B4GALT5: variants seen among roughly 807,000 people sequenced by gnomAD.
The protein encoded by B4GALT5 is UDP-Gal:beta-GlcNAc beta-1,4-galactosyltransferase 5.
B4GALT5 carries 11 observed loss-of-function variants against 45.0 expected under a neutral mutation model. The observed-to-expected ratio is 0.24, with a 90% confidence interval of 0.15 to 0.40. B4GALT5 has a LOEUF of 0.40. Ranked by LOEUF, B4GALT5 falls within the 10% of genes least tolerant of loss-of-function variation. B4GALT5 has a pLI of 1.00. For missense variants in B4GALT5, 337 were observed against 500.2 expected, an observed-to-expected ratio of 0.67 and a Z score of 3.11; for synonymous variants, 185 against 182.9, an observed-to-expected ratio of 1.01 and a Z score of -0.09.
chr20:49,679,387 C>T (rs987956334), intron 1 of B4GALT5, among the ~76,000 whole-genome samples: 61 of 151,878 alleles, frequency 4.0e-4, no homozygotes, highest in Non-Finnish European at 4.4e-5. Context: ...CCTACAATAC[C>T]GAAAGTTAGT....
chr20:49,676,438 T>G (rs1435836936), intron 1 of B4GALT5, among the ~76,000 whole-genome samples: 1 of 152,226 alleles, frequency 6.6e-6, no homozygotes, highest in African/African-American at 2.4e-5. Context: ...AGATTATGTC[T>G]GCATTTGTGC....
At chr20:49,641,703 A>G (rs757297995) in intron 5 of B4GALT5, among the ~76,000 whole-genome samples, 1 of 152,196 alleles carries the variant, frequency 6.6e-6, no homozygotes, top group Non-Finnish European at 1.5e-5. Context: ...GTGTGCCCAT[A>G]GAGAGAGGTG....
chr20:49,634,075 T>C lies in B4GALT5; in HGVS notation c.*2237A>G, dbSNP rs1984444923. On this transcript the variant is annotated 3_prime_UTR_variant, in exon 9 of 9. Transcript: ENST00000371711. ...AAATGCTTAAGTCTTAAAAAACATA[T>C]GCTATAGCTTACCGGCATTTTCAAG... 1 of 152,648 alleles carries C rather than the reference T, an allele frequency of 6.6e-6. No homozygotes were observed. The highest frequency in any genetic ancestry group is 1.5e-5 in the Non-Finnish European group (1 of 68,048). The allele number at this position is 152,648 out of a possible 1,614,324, so 9.5% of individuals were successfully genotyped here. A position where few individuals can be genotyped will look rare whatever the true frequency, so the allele number is the denominator to read the frequency against.
chr20:49,646,394 A>G (rs6095598), intron 3 of B4GALT5, among the ~76,000 whole-genome samples: 75,284 of 151,584 alleles, frequency 0.5, 19,422 homozygotes, highest in South Asian at 0.68. Flanking sequence ...CATGGTAAGT[A>G]CCCTACACAG....
intron 1 of B4GALT5, among the ~76,000 whole-genome samples, chr20:49,709,230 T>C (rs1318339474): frequency 6.6e-6 from 1 of 152,174 alleles, no homozygotes; most frequent in Admixed American, 6.5e-5. Context: ...TCAAAAGTTT[T>C]CTGCAGAACC....
intron 1 of B4GALT5, among the ~76,000 whole-genome samples, chr20:49,685,980 G>A (rs2085783672): frequency 6.6e-6 from 1 of 151,588 alleles, no homozygotes; most frequent in Admixed American, 6.6e-5. Flanking sequence ...CCTTTCTCCT[G>A]AGCTGCTGCT....
At chr20:49,645,466 A>C (rs1203137377) in intron 3 of B4GALT5, among the ~76,000 whole-genome samples, 1 of 152,202 alleles carries the variant, frequency 6.6e-6, no homozygotes. Flanking sequence ...GTGTATCACA[A>C]GGCTGGGAGC....
rs2085820559 is a variant in B4GALT5, at chr20:49,692,799, T to C, written c.115+20777A>G. On this transcript the variant is annotated intron_variant, in intron 1 of 8. Transcript: ENST00000371711. ...TGTACATATAATGTAAGTTCAATTA[T>C]GTTTTTGAAAAATTACACACACCAA... is the stretch of plus-strand genomic sequence containing the variant. Among the ~76,000 whole-genome samples the C allele has an allele frequency of 3.3e-5, 5 of 152,246 alleles. No individual in the cohort carries two copies. In the South Asian group the frequency reaches 1.0e-3, roughly 32 times the overall value.
intron 2 of B4GALT5, among the ~76,000 whole-genome samples, chr20:49,649,837 T>C (rs2085613883): frequency 6.6e-6 from 1 of 152,222 alleles, no homozygotes; most frequent in African/African-American, 2.4e-5. Context: ...TGCCTGTGTT[T>C]GTGATACGCC....
chr20:49,667,353 G>A (rs1201329476), intron 1 of B4GALT5, among the ~76,000 whole-genome samples: 2 of 150,054 alleles, frequency 1.3e-5, no homozygotes, highest in Non-Finnish European at 3.0e-5. Flanking sequence ...AGGGGTTCAC[G>A]CCATTCTCCT....
At chr20:49,674,229 C>CAAA (rs1377796417) in intron 1 of B4GALT5, among the ~76,000 whole-genome samples, 6 of 64,182 alleles carry the variant, frequency 9.3e-5, no homozygotes, top group African/African-American at 3.5e-4. Flanking sequence ...GACTCCATCT[C>CAAA]AAAAAAAAAA....
chr20:49,656,829 C>T, intron 1 of B4GALT5, 127 bp from the exon 2 acceptor site: 1 of 1,202,580 alleles, frequency 8.3e-7, no homozygotes. Context: ...TTTTAAAACC[C>T]TACATGACCA....
At position 49,670,600 on chromosome 20, in the gene B4GALT5, A is replaced by T. The variant is rs192116839; in HGVS notation, c.116-13898T>A. On this transcript the variant is annotated intron_variant, in intron 1 of 8. Coordinates refer to ENST00000371711, the MANE Select transcript of B4GALT5 (RefSeq NM_004776.4). ...AATGCAATTCTATAGCAAAAAGTTG[A>T]ATTTCTTCAACACTGAACTGCTATC... Among the ~76,000 whole-genome samples the T allele has an allele frequency of 2.0e-5, 3 of 152,320 alleles. No homozygotes were observed. The East Asian group carries it at 5.8e-4, about 29-fold the overall frequency.
chr20:49,680,769 T>G (rs796641005), intron 1 of B4GALT5, among the ~76,000 whole-genome samples: 13 of 152,236 alleles, frequency 8.5e-5, no homozygotes, highest in African/African-American at 3.1e-4. Flanking sequence ...ATTGTATACT[T>G]CAAATGATTT....
At chr20:49,637,847 G>T (rs2085560648) in intron 7 of B4GALT5, among the ~76,000 whole-genome samples, 1 of 151,952 alleles carries the variant, frequency 6.6e-6, no homozygotes, top group Non-Finnish European at 1.5e-5. Context: ...GCTGAGACAG[G>T]AGAATCACTT....
chr20:49,712,098 G>A (rs1182838903), intron 1 of B4GALT5, among the ~76,000 whole-genome samples: 1 of 152,198 alleles, frequency 6.6e-6, no homozygotes, highest in Non-Finnish European at 1.5e-5. Flanking sequence ...GTGATGCCAA[G>A]TCAGGCAAAC....
chr20:49,713,196 G>A (rs1379187355), intron 1 of B4GALT5, among the ~76,000 whole-genome samples: 1 of 151,732 alleles, frequency 6.6e-6, no homozygotes, highest in African/African-American at 2.4e-5. Flanking sequence ...ATGGGGGTTC[G>A]AGGAGACCCC....
chr20:49,684,626 T>C, intron 1 of B4GALT5: 1 of 518,784 alleles, frequency 1.9e-6, no homozygotes, highest in South Asian at 1.4e-5. Flanking sequence ...GCACGCAAAA[T>C]CAGCAAGTGC....
chr20:49,650,590 T>A (rs928139926), intron 2 of B4GALT5, among the ~76,000 whole-genome samples: 1 of 151,818 alleles, frequency 6.6e-6, no homozygotes, highest in Non-Finnish European at 1.5e-5. Context: ...TGAGCTGAGA[T>A]CACACGGTTG....
Sources: gnomAD v4.1 joint callset for allele counts (sites outside exome capture counted in the v4.1 genomes callset) on GRCh38, gnomAD v4.1.1 for gene constraint, MANE v1.5 for transcripts, NCBI Gene and HGNC (gene_info 2026-07-23, HGNC 2026-07-21) for gene names.